The following IL1RAPL2 variants were observed in gnomAD, a reference collection of about 807,000 sequenced individuals.
The protein encoded by IL1RAPL2 is X-linked interleukin-1 receptor accessory protein-like 2.
A neutral mutation model predicts 44.1 loss-of-function variants in IL1RAPL2; 3 were observed. That is an observed-to-expected ratio of 0.07 (90% CI 0.03 to 0.18). IL1RAPL2 has a LOEUF of 0.18. IL1RAPL2 is among the 10% of genes least tolerant of loss of function. The probability of loss-of-function intolerance (pLI) is 1.00; values close to 1 mark genes in which losing one functional copy is unlikely to be tolerated. For synonymous variants in IL1RAPL2, 181 were observed against 178.8 expected (o/e 1.01, Z -0.10); for missense variants, 391 against 496.4 (o/e 0.79, Z 2.02).
chrX:105,671,028 A>G (rs1313232664), intron 6 of IL1RAPL2, among the ~76,000 whole-genome samples: 1 of 109,441 alleles, frequency 9.1e-6, no homozygotes, highest in African/African-American at 3.3e-5. Context: ...GCTCACTGCA[A>G]CCTCCGCCTC....
At chrX:105,372,450 A>AAG (rs1556301155) in intron 5 of IL1RAPL2, among the ~76,000 whole-genome samples, 20 of 107,377 alleles carry the variant, frequency 1.9e-4, no homozygotes, top group African/African-American at 6.8e-4. Context: ...AAAAAAAAAA[A>AAG]GTCTTTTAAT....
chrX:105,382,369 A>C (rs1470901216), intron 5 of IL1RAPL2, among the ~76,000 whole-genome samples: 2 of 109,433 alleles, frequency 1.8e-5, no homozygotes, highest in African/African-American at 3.5e-5. Context: ...ACGTGAAAAA[A>C]TGCTCATCAT....
chrX:104,762,074 T>C (rs922312515), intron 2 of IL1RAPL2, among the ~76,000 whole-genome samples: 1 of 107,851 alleles, frequency 9.3e-6, no homozygotes, highest in Non-Finnish European at 1.9e-5. Flanking sequence ...CTCAGCTCAC[T>C]GCAACCTCTG....
intron 2 of IL1RAPL2, among the ~76,000 whole-genome samples, chrX:104,722,588 G>T (rs946693965): frequency 8.9e-6 from 1 of 111,942 alleles, no homozygotes; most frequent in African/African-American, 3.2e-5. Context: ...CTCTGTCCAT[G>T]TGTTCAAAAT....
At chrX:104,967,216 C>T (rs140236195) in intron 2 of IL1RAPL2, among the ~76,000 whole-genome samples, 1,490 of 111,876 alleles carry the variant, frequency 0.013, 6 homozygotes, top group Non-Finnish European at 0.021. Context: ...ACCATGTTCT[C>T]TTAACTCAAT....
intron 2 of IL1RAPL2, among the ~76,000 whole-genome samples, chrX:104,907,253 G>C (rs941469055): frequency 1.8e-5 from 2 of 111,435 alleles, no homozygotes; most frequent in African/African-American, 6.5e-5. Flanking sequence ...CAAAAAACCA[G>C]CTCCTGGATT....
chrX:105,084,342 G>A (rs1485389908), intron 2 of IL1RAPL2, among the ~76,000 whole-genome samples: 1 of 112,881 alleles, frequency 8.9e-6, no homozygotes, highest in Non-Finnish European at 1.9e-5. Flanking sequence ...AAAACAGCTG[G>A]GGACCGGGGG....
intron 2 of IL1RAPL2, among the ~76,000 whole-genome samples, chrX:104,777,984 C>T (rs1932747158): frequency 9.0e-6 from 1 of 111,026 alleles, no homozygotes; most frequent in Non-Finnish European, 1.9e-5. Flanking sequence ...TTCTTACCAA[C>T]AATGCACAAG....
chrX:105,126,408 T>G (rs916951736), intron 2 of IL1RAPL2, among the ~76,000 whole-genome samples: 1 of 110,871 alleles, frequency 9.0e-6, no homozygotes, highest in Non-Finnish European at 1.9e-5. Context: ...TCACCTCCCA[T>G]GACTCATTGC....
At chrX:105,059,666 G>C (rs2032047484) in intron 2 of IL1RAPL2, among the ~76,000 whole-genome samples, 1 of 111,079 alleles carries the variant, frequency 9.0e-6, no homozygotes, top group African/African-American at 3.3e-5. Context: ...GAGTAGCTTG[G>C]ATTACAGGTG....
At chrX:105,454,789 A>T (rs1198336611) in intron 5 of IL1RAPL2, among the ~76,000 whole-genome samples, 5 of 111,450 alleles carry the variant, frequency 4.5e-5, no homozygotes, top group African/African-American at 1.6e-4. Flanking sequence ...CTGTCTCTGT[A>T]ACTAGTAGAG....
intron 2 of IL1RAPL2, among the ~76,000 whole-genome samples, chrX:105,110,050 G>A (rs1249890742): frequency 1.8e-5 from 2 of 111,852 alleles, no homozygotes; most frequent in Admixed American, 1.9e-4. Context: ...CAGAGGGAAA[G>A]TGACTCTACA....
At chrX:105,262,680 T>A (rs1173634893) in intron 4 of IL1RAPL2, among the ~76,000 whole-genome samples, 1 of 111,351 alleles carries the variant, frequency 9.0e-6, no homozygotes, top group Non-Finnish European at 1.9e-5. Context: ...TCTTAACCAC[T>A]GTGGGCTACC....
intron 2 of IL1RAPL2, among the ~76,000 whole-genome samples, chrX:105,064,640 GTCT>G (rs1008134563): frequency 3.6e-5 from 4 of 112,195 alleles, no homozygotes; most frequent in African/African-American, 1.3e-4. Context: ...GTTACATTCT[GTCT>G]TCTTACAATA....
intron 2 of IL1RAPL2, among the ~76,000 whole-genome samples, chrX:104,883,940 G>C (rs1055479812): frequency 8.9e-6 from 1 of 112,006 alleles, no homozygotes; most frequent in Non-Finnish European, 1.9e-5. Flanking sequence ...CCCTCCCTCA[G>C]GGTATGGCCC....
At chrX:105,240,190 AG>A (rs1256640495) in intron 4 of IL1RAPL2, among the ~76,000 whole-genome samples, 1 of 112,813 alleles carries the variant, frequency 8.9e-6, no homozygotes, top group Non-Finnish European at 1.9e-5. Context: ...GGACTCAGGA[AG>A]GACAAGGCAG....
At chrX:105,339,954 G>T (rs903752695) in intron 5 of IL1RAPL2, among the ~76,000 whole-genome samples, 6 of 111,784 alleles carry the variant, frequency 5.4e-5, no homozygotes, top group African/African-American at 2.0e-4. Flanking sequence ...TTGACTTGGT[G>T]TGCACATTAT....
chrX:104,820,214 C>G (rs59908186), intron 2 of IL1RAPL2, among the ~76,000 whole-genome samples: 1,300 of 111,644 alleles, frequency 0.012, 14 homozygotes, highest in African/African-American at 0.04. Context: ...AAGAAGTTAC[C>G]TGGCCAGGAA....
At chrX:104,796,531 T>C (rs1932850304) in intron 2 of IL1RAPL2, among the ~76,000 whole-genome samples, 1 of 112,233 alleles carries the variant, frequency 8.9e-6, no homozygotes, top group Admixed American at 9.4e-5. Flanking sequence ...AGAAAGTTCC[T>C]GCACCCCTAA....
Sources: gnomAD v4.1 joint callset for allele counts (sites outside exome capture counted in the v4.1 genomes callset) on GRCh38, gnomAD v4.1.1 for gene constraint, MANE v1.5 for transcripts, NCBI Gene and HGNC (gene_info 2026-07-23, HGNC 2026-07-21) for gene names.